The following SLIT2 variants were observed in gnomAD, a reference collection of about 807,000 sequenced individuals.
The protein encoded by SLIT2 is slit guidance ligand 2.
In SLIT2, 41 loss-of-function variants were observed where a neutral mutation model predicts 185.7. The observed-to-expected ratio is 0.22, with a 90% confidence interval of 0.17 to 0.29. SLIT2 has a LOEUF of 0.29. Ranked by LOEUF, SLIT2 falls within the 10% of genes least tolerant of loss-of-function variation. The pLI, the probability that SLIT2 is intolerant of heterozygous loss-of-function variation, is 1.00. For missense variants in SLIT2, 1,571 were observed against 1,909.0 expected, an observed-to-expected ratio of 0.82 and a Z score of 3.30; for synonymous variants, 693 against 680.2, an observed-to-expected ratio of 1.02 and a Z score of -0.29.
At chr4:20,560,976 T>A (rs1297113772) in intron 26 of SLIT2, among the ~76,000 whole-genome samples, 2 of 151,850 alleles carry the variant, frequency 1.3e-5, no homozygotes, top group African/African-American at 2.4e-5. Flanking sequence ...TAAAAAATGG[T>A]ATGGAAGTCT....
intron 4 of SLIT2, among the ~76,000 whole-genome samples, chr4:20,459,397 A>G (rs1713447684): frequency 6.6e-6 from 1 of 152,232 alleles, no homozygotes; most frequent in African/African-American, 2.4e-5. Context: ...ATGCTTTTGA[A>G]TACATGAATG....
At chr4:20,356,813 G>A (rs113310571) in intron 4 of SLIT2, among the ~76,000 whole-genome samples, 3,082 of 152,102 alleles carry the variant, frequency 0.02, 91 homozygotes, top group African/African-American at 0.069. Flanking sequence ...AAAGCTCTCC[G>A]GCCACTTTCC....
intron 11 of SLIT2, among the ~76,000 whole-genome samples, chr4:20,512,189 A>G (rs193080921): frequency 2.0e-5 from 3 of 152,220 alleles, no homozygotes; most frequent in Admixed American, 2.0e-4. Flanking sequence ...CTGCCAAAAT[A>G]TTTCAGATAT....
intron 2 of SLIT2, among the ~76,000 whole-genome samples, chr4:20,256,980 G>T (rs2109007594): frequency 6.6e-6 from 1 of 152,098 alleles, no homozygotes; most frequent in East Asian, 1.9e-4. Context: ...TCAGATCTTT[G>T]TTATACCATA....
intron 2 of SLIT2, among the ~76,000 whole-genome samples, chr4:20,257,052 T>C (rs1183108792): frequency 6.6e-6 from 1 of 152,094 alleles, no homozygotes; most frequent in Non-Finnish European, 1.5e-5. Context: ...GAATAAGTAA[T>C]AAGAAACATT....
chr4:20,406,435 T>G (rs1418764906), intron 4 of SLIT2, among the ~76,000 whole-genome samples: 3 of 143,046 alleles, frequency 2.1e-5, no homozygotes, highest in African/African-American at 7.3e-5. Flanking sequence ...TTAAAACCTC[T>G]TACAAATCAA....
intron 4 of SLIT2, among the ~76,000 whole-genome samples, chr4:20,326,350 G>A (rs1037402807): frequency 4.6e-5 from 7 of 151,878 alleles, no homozygotes; most frequent in Non-Finnish European, 1.0e-4. Flanking sequence ...AATGTGTAAT[G>A]ACTCAGTCTG....
intron 4 of SLIT2, among the ~76,000 whole-genome samples, chr4:20,403,455 G>T (rs77639971): frequency 6.6e-6 from 1 of 151,882 alleles, no homozygotes; most frequent in African/African-American, 2.4e-5. Flanking sequence ...TTAGCATGAT[G>T]AACTAATTGA....
At chr4:20,594,034 A>G (rs1347516488) in intron 30 of SLIT2, among the ~76,000 whole-genome samples, 1 of 147,466 alleles carries the variant, frequency 6.8e-6, no homozygotes, top group African/African-American at 2.6e-5. Context: ...ATATATGTGT[A>G]TATATGTACA....
chr4:20,408,247 C>G (rs971573087), intron 4 of SLIT2, among the ~76,000 whole-genome samples: 1 of 152,018 alleles, frequency 6.6e-6, no homozygotes, highest in Admixed American at 6.6e-5. Flanking sequence ...GGACTCATAA[C>G]CAGATGATAG....
At chr4:20,266,407 G>T (rs1171900514) in intron 3 of SLIT2, among the ~76,000 whole-genome samples, 3 of 151,904 alleles carry the variant, frequency 2.0e-5, no homozygotes, top group African/African-American at 7.2e-5. Context: ...CTATTGTCTG[G>T]GGCATGTGAA....
In SLIT2 at chr4:20,571,480, T is replaced by C. The variant is rs920925429; in HGVS notation, c.3088+2476T>C. Among the ~76,000 whole-genome samples the C allele has an allele frequency of 4.6e-5, 7 of 152,316 alleles. No homozygotes were observed. The South Asian group carries it at 1.0e-3, about 23-fold the overall frequency. ...TGTGCACACATGAAATGAGCTCATT[T>C]ACAAAATTTCTAACAACCATCTGCG... On this transcript the variant is annotated intron_variant, in intron 29 of 36. Coordinates refer to ENST00000504154, the MANE Select transcript of SLIT2 (RefSeq NM_004787.4).
intron 4 of SLIT2, among the ~76,000 whole-genome samples, chr4:20,337,623 A>G (rs1720614406): frequency 6.6e-6 from 1 of 152,168 alleles, no homozygotes; most frequent in African/African-American, 2.4e-5. Flanking sequence ...AACTTAGATA[A>G]CTTGACATTT....
At chr4:20,285,002 A>G (rs1419327849) in intron 4 of SLIT2, among the ~76,000 whole-genome samples, 1 of 152,186 alleles carries the variant, frequency 6.6e-6, no homozygotes, top group Non-Finnish European at 1.5e-5. Context: ...TACTTCTGAC[A>G]TTTTTATTAG....
intron 3 of SLIT2, among the ~76,000 whole-genome samples, chr4:20,259,345 A>G (rs1712195042): frequency 6.6e-6 from 1 of 151,790 alleles, no homozygotes; most frequent in Non-Finnish European, 1.5e-5. Context: ...GCATCAATAT[A>G]ATTCAAATGT....
intron 8 of SLIT2, among the ~76,000 whole-genome samples, chr4:20,489,491 A>C (rs1419159496): frequency 6.6e-6 from 1 of 152,240 alleles, no homozygotes; most frequent in Non-Finnish European, 1.5e-5. Context: ...AAAAACAAAA[A>C]TAAGACATAG....
intron 4 of SLIT2, among the ~76,000 whole-genome samples, chr4:20,420,977 T>A (rs1178771137): frequency 6.6e-6 from 1 of 152,154 alleles, no homozygotes; most frequent in Non-Finnish European, 1.5e-5. Context: ...AGAGAATAAA[T>A]TTCTGTTCTT....
chr4:20,414,870 A>C (rs1384537591), intron 4 of SLIT2, among the ~76,000 whole-genome samples: 1 of 152,082 alleles, frequency 6.6e-6, no homozygotes, highest in Non-Finnish European at 1.5e-5. Flanking sequence ...ATTTCATCTT[A>C]CTTGGAGTTT....
chr4:20,586,813 A>G (rs1727102411), intron 29 of SLIT2, among the ~76,000 whole-genome samples: 1 of 152,200 alleles, frequency 6.6e-6, no homozygotes, highest in Admixed American at 6.5e-5. Context: ...AAAAGTGACA[A>G]CAGAATTGTG....
Sources: allele counts gnomAD v4.1 joint callset (sites outside exome capture counted in the v4.1 genomes callset), GRCh38; gene constraint gnomAD v4.1.1; transcripts MANE v1.5; gene names NCBI Gene and HGNC (gene_info 2026-07-23, HGNC 2026-07-21).